The following WBP1L variants were observed in gnomAD, a reference collection of about 807,000 sequenced individuals.
WBP1L encodes the protein WW domain binding protein 1-like.
WBP1L carries 17 observed loss-of-function variants against 33.7 expected under a neutral mutation model. The ratio of observed to expected loss-of-function variants is 0.50; its 90% confidence interval spans 0.34 to 0.76. The LOEUF (loss-of-function observed/expected upper bound fraction) is 0.76, where lower values mean the gene tolerates loss of function less well. Ranked by LOEUF, WBP1L falls within the 30% of genes least tolerant of loss-of-function variation. The pLI, the probability that WBP1L is intolerant of heterozygous loss-of-function variation, is 0.01. For missense variants in WBP1L, 389 were observed against 469.4 expected (o/e 0.83, Z 1.58); for synonymous variants, 173 against 190.8 (o/e 0.91, Z 0.77).
intron 1 of WBP1L, among the ~76,000 whole-genome samples, chr10:102,770,774 G>A (rs922973521): frequency 2.0e-5 from 3 of 152,180 alleles, no homozygotes; most frequent in African/African-American, 7.2e-5. Flanking sequence ...TCATAAACAG[G>A]GTTCCAGAGC....
In WBP1L at chr10:102,793,664, C is replaced by G. The variant is rs17114998; in HGVS notation, c.91-4329C>G. Reference sequence around the variant, plus strand: ...GGTCTTTCATGCTCAGCAATAGTGGCTCACAGAATAATGTTGATAGTAGGA... The same window carrying G: ...GGTCTTTCATGCTCAGCAATAGTGGGTCACAGAATAATGTTGATAGTAGGA... On this transcript the variant is annotated intron_variant, in intron 1 of 3. Transcript: ENST00000448841. Among the ~76,000 whole-genome samples the G allele has an allele frequency of 8.6e-3, 1,309 of 152,214 alleles. 64 individuals are homozygous for G. The East Asian group carries it at 0.11, about 13-fold the overall frequency.
chr10:102,760,177 C>A (rs1020793720), intron 1 of WBP1L, among the ~76,000 whole-genome samples: 1 of 152,004 alleles, frequency 6.6e-6, no homozygotes. Flanking sequence ...CTATTCAATC[C>A]TTTGTCCATT....
At chr10:102,753,615 A>G (rs370036235) in intron 1 of WBP1L, among the ~76,000 whole-genome samples, 51 of 152,194 alleles carry the variant, frequency 3.4e-4, no homozygotes, top group African/African-American at 1.2e-3. Flanking sequence ...TGATTTATTT[A>G]CTTTTGGTTT....
chr10:102,813,807 C>G lies in WBP1L; in HGVS notation c.*476C>G, dbSNP rs1215352500. ...ATGAAGAAGGAAACCCACAGAGGCCCAGGGCTTGTCATTGGGCTGCCAGTG... is the reference window on the plus strand; with the variant it reads ...ATGAAGAAGGAAACCCACAGAGGCCGAGGGCTTGTCATTGGGCTGCCAGTG... On this transcript the variant is annotated 3_prime_UTR_variant, in exon 4 of 4. Coordinates refer to ENST00000448841, the MANE Select transcript of WBP1L (RefSeq NM_001083913.2). 1 of 159,706 alleles carries G rather than the reference C, an allele frequency of 6.3e-6. No homozygotes were observed. The highest frequency in any genetic ancestry group is 1.4e-5 in the Non-Finnish European group (1 of 72,574). The allele number at this position is 159,706 out of a possible 1,614,324, so 9.9% of individuals were successfully genotyped here.
chr10:102,776,144 C>T, intron 1 of WBP1L: 1 of 1,392,706 alleles, frequency 7.2e-7, no homozygotes. Flanking sequence ...TTCGGCTTTG[C>T]TGCGTCTGAG....
intron 2 of WBP1L, among the ~76,000 whole-genome samples, chr10:102,799,548 TG>T (rs1259847973): frequency 6.6e-6 from 1 of 151,930 alleles, no homozygotes; most frequent in Non-Finnish European, 1.5e-5. Flanking sequence ...GAGAGGGTGT[TG>T]GGGGGGTGGT....
chr10:102,779,813 G>A (rs1467295360), intron 1 of WBP1L, among the ~76,000 whole-genome samples: 3 of 152,264 alleles, frequency 2.0e-5, no homozygotes, highest in Non-Finnish European at 4.4e-5. Flanking sequence ...GTGGGGGCAG[G>A]TATCTGAATC....
intron 1 of WBP1L, among the ~76,000 whole-genome samples, chr10:102,766,066 G>A (rs1020099247): frequency 1.3e-5 from 2 of 152,122 alleles, no homozygotes; most frequent in Admixed American, 1.3e-4. Flanking sequence ...ACATCTGGCC[G>A]AGGCAGGAGG....
At chr10:102,762,873 G>T (rs1186066153) in intron 1 of WBP1L, among the ~76,000 whole-genome samples, 1 of 152,086 alleles carries the variant, frequency 6.6e-6, no homozygotes, top group Non-Finnish European at 1.5e-5. Flanking sequence ...TTTCAGGGCA[G>T]GTGAGCAAGG....
At position 102,810,009 on chromosome 10, in the gene WBP1L, G is replaced by A. The variant is rs764669485; in HGVS notation, c.310G>A (p.Ala104Thr). The change falls in exon 3 of 4, where the codon GCT becomes ACT. Residue 104 changes from alanine to threonine, a missense_variant. Physicochemically the swap from Ala to Thr is moderately conservative, Grantham distance 58 (BLOSUM62 0). Transcript: ENST00000448841. ...QQRQHEINLIAYREAHNYSAL... is the reference protein window; with the variant it reads ...QQRQHEINLITYREAHNYSAL... ...GCGGCAACATGAAATCAACCTGATC[G>A]CTTACCGAGAAGCCCACAATTACTC... The A allele has an allele frequency of 1.5e-5, 25 of 1,613,804 alleles. No homozygotes were observed. The highest frequency in any genetic ancestry group is 2.0e-5 in the Non-Finnish European group (24 of 1,179,982).
intron 1 of WBP1L, among the ~76,000 whole-genome samples, chr10:102,750,505 A>C (rs1842915294): frequency 6.6e-6 from 1 of 151,924 alleles, no homozygotes; most frequent in Non-Finnish European, 1.5e-5. Flanking sequence ...TGTGACTATC[A>C]GTGCTAATTT....
At chr10:102,760,789 GC>G (rs1208296379) in intron 1 of WBP1L, among the ~76,000 whole-genome samples, 1 of 152,176 alleles carries the variant, frequency 6.6e-6, no homozygotes, top group Non-Finnish European at 1.5e-5. Context: ...GAGTCTTAGT[GC>G]ATATGCTTAC....
At chr10:102,761,406 C>T (rs1843039640) in intron 1 of WBP1L, among the ~76,000 whole-genome samples, 1 of 151,742 alleles carries the variant, frequency 6.6e-6, no homozygotes, top group Non-Finnish European at 1.5e-5. Context: ...TCCCAAAGTG[C>T]TGGGATTACA....
chr10:102,794,770 C>A (rs759619962), intron 1 of WBP1L, among the ~76,000 whole-genome samples: 1 of 151,958 alleles, frequency 6.6e-6, no homozygotes, highest in Non-Finnish European at 1.5e-5. Flanking sequence ...TAGGGGGGTG[C>A]GAGGAGAGCT....
intron 1 of WBP1L, among the ~76,000 whole-genome samples, chr10:102,784,421 C>CTTTTTTTTT (rs35898015): frequency 1.1e-4 from 11 of 97,848 alleles, no homozygotes; most frequent in South Asian, 3.4e-4. Context: ...GTTCTTGTTT[C>CTTTTTTTTT]TTTTTTTTTT....
At chr10:102,785,313 G>A (rs1045686621) in intron 1 of WBP1L, among the ~76,000 whole-genome samples, 6 of 151,106 alleles carry the variant, frequency 4.0e-5, no homozygotes, top group Admixed American at 6.6e-5. Flanking sequence ...TCAGCCTCCC[G>A]AGATGTTGGG....
At position 102,744,034 on chromosome 10, in the gene WBP1L, G is replaced by A; in HGVS notation, c.-20G>A. ...AGGGAGGTGGCGGCGCCGTGGCGGAGGAGCAGGAGCAGGAGGGGGATGGAG... is the reference window on the plus strand; with the variant it reads ...AGGGAGGTGGCGGCGCCGTGGCGGAAGAGCAGGAGCAGGAGGGGGATGGAG... On this transcript the variant is annotated 5_prime_UTR_variant, in exon 1 of 4. Coordinates refer to ENST00000448841, the MANE Select transcript of WBP1L (RefSeq NM_001083913.2). 6.5e-7 allele frequency: 1 copy of A among 1,532,590 alleles called. No individual in the cohort carries two copies. Among genetic ancestry groups the A allele is most frequent in the Non-Finnish European group, 8.8e-7 (1 of 1,132,844 alleles). 94.9% of individuals were successfully genotyped at this position (1,532,590 alleles called of 1,614,324 possible).
chr10:102,758,447 T>A (rs1480666496), intron 1 of WBP1L, among the ~76,000 whole-genome samples: 1 of 152,220 alleles, frequency 6.6e-6, no homozygotes, highest in Non-Finnish European at 1.5e-5. Flanking sequence ...TCTGGACATT[T>A]CATATGAATG....
chr10:102,780,440 A>G (rs1396880809), intron 1 of WBP1L, among the ~76,000 whole-genome samples: 11 of 152,240 alleles, frequency 7.2e-5, no homozygotes, highest in Admixed American at 7.2e-4. Context: ...GGAGAACAGT[A>G]TTGCAACAGA....
Sources: gnomAD v4.1 joint callset for allele counts (sites outside exome capture counted in the v4.1 genomes callset) on GRCh38, gnomAD v4.1.1 for gene constraint, MANE v1.5 for transcripts, NCBI Gene and HGNC (gene_info 2026-07-23, HGNC 2026-07-21) for gene names.